The following CNDP2 variants were observed in gnomAD, a reference collection of about 807,000 sequenced individuals.
CNDP2 encodes the protein carnosine dipeptidase 2.
CNDP2 carries 38 observed loss-of-function variants against 55.0 expected under a neutral mutation model. The ratio of observed to expected loss-of-function variants is 0.69; its 90% CI spans 0.53 to 0.90. CNDP2 has a LOEUF of 0.90. CNDP2 is among the 40% of genes least tolerant of loss of function. The probability of loss-of-function intolerance (pLI) is 0.00; values close to 1 mark genes in which losing one functional copy is unlikely to be tolerated. For synonymous variants in CNDP2, 241 were observed against 260.2 expected (o/e 0.93, Z 0.71); for missense variants, 607 against 621.7 (o/e 0.98, Z 0.25).
At chr18:74,515,991 G>A (rs1018943811) in intron 8 of CNDP2, among the ~76,000 whole-genome samples, 5 of 152,334 alleles carry the variant, frequency 3.3e-5, no homozygotes, top group South Asian at 2.1e-4. Context: ...ACGCTGCAGC[G>A]ACGGGCAGTG....
chr18:74,522,591 G>A lies in CNDP2; in HGVS notation c.*2523G>A, dbSNP rs1980115291. ...GACTGAGTGAATGCTGTTATTGTAGGAGTGGGCTTGTTTGGCCTCCTCTTG... is the reference window on the plus strand; with the variant it reads ...GACTGAGTGAATGCTGTTATTGTAGAAGTGGGCTTGTTTGGCCTCCTCTTG... On this transcript the variant is annotated 3_prime_UTR_variant, in exon 12 of 12. Coordinates refer to ENST00000324262, the MANE Select transcript of CNDP2 (RefSeq NM_018235.3). 6.6e-6 allele frequency: 1 copy of A among 152,322 alleles called. No homozygotes were observed. Among genetic ancestry groups the A allele is most frequent in the Non-Finnish European group, 1.5e-5 (1 of 68,106 alleles). The allele number at this position is 152,322 out of a possible 1,614,324, so 9.4% of individuals were successfully genotyped here. A position where few individuals can be genotyped will look rare whatever the true frequency, so the allele number is the denominator to read the frequency against.
chr18:74,503,004 C>T (rs372015396), intron 3 of CNDP2, among the ~76,000 whole-genome samples: 4 of 150,934 alleles, frequency 2.7e-5, no homozygotes, highest in East Asian at 3.9e-4. Context: ...TTCCCCCCAT[C>T]TTTGGGAGAC....
chr18:74,512,487 G>C lies in CNDP2; in HGVS notation c.697G>C (p.Gly233Arg). The C allele has an allele frequency of 1.2e-6, 2 of 1,613,910 alleles. No homozygotes were observed. Among genetic ancestry groups the C allele is most frequent in the Non-Finnish European group, 1.7e-6 (2 of 1,179,910 alleles). Residue 233 changes from glycine to arginine, a missense_variant, in exon 7 of 12, where the codon GGG becomes CGG. Physicochemically the swap from Gly to Arg is moderately radical, Grantham distance 125 (BLOSUM62 -2). Coordinates refer to ENST00000324262, the MANE Select transcript of CNDP2 (RefSeq NM_018235.3). The stretch of plus-strand genomic sequence containing the variant: ...CAAAGACCTCCATTCTGGGGTGTAC[G>C]GGGGCTCGGTGCATGAGGCCATGAC... ...SNKDLHSGVY[G>R]GSVHEAMTDL...
rs181119931 is a variant in CNDP2, at chr18:74,498,515, G to T, written c.-92-1367G>T. Among the ~76,000 whole-genome samples the T allele has an allele frequency of 2.0e-5, 3 of 152,296 alleles. No individual in the cohort carries two copies. In the East Asian group the frequency reaches 5.8e-4, roughly 29 times the overall value. On this transcript the variant is annotated intron_variant, in intron 1 of 11. Coordinates refer to ENST00000324262, the MANE Select transcript of CNDP2 (RefSeq NM_018235.3). ...GCCACTGGTTAATTTGACTACAAGA[G>T]AATAATATTAATGAGAATGTACCAC...
rs1980156769 is a variant in CNDP2, at chr18:74,523,304, A to G, written c.*3236A>G. On this transcript the variant is annotated 3_prime_UTR_variant, in exon 12 of 12. Transcript: ENST00000324262. ...CAGCGTCCTGTGTCAGAAGAGCACA[A>G]ACCACTTTCCCAGAGAGGTTATGAA... 6.6e-6 allele frequency: 1 copy of G among 152,194 alleles called. No homozygotes were observed. The highest frequency in any genetic ancestry group is 1.9e-4 in the East Asian group (1 of 5,192). 9.4% of individuals were successfully genotyped at this position (152,194 alleles called of 1,614,324 possible).
At chr18:74,511,206 C>G (rs1469378266) in intron 6 of CNDP2, 193 bp downstream of exon 6, 2 of 594,526 alleles carry the variant, frequency 3.4e-6, no homozygotes, top group Non-Finnish European at 6.0e-6. Context: ...TTCCAGTGAT[C>G]AGAAGTTAAT....
chr18:74,519,154 C>T, intron 11 of CNDP2, 58 bp downstream of exon 11: 9 of 1,526,282 alleles, frequency 5.9e-6, no homozygotes, highest in South Asian at 1.3e-5. Context: ...CCTCTCGCCC[C>T]TTCCCCTTCC....
Position 74,521,223 on chromosome 18 carries a change from A to ACC in CNDP2, c.*1157_*1158dup, listed in dbSNP as rs1980028345. On this transcript the variant is annotated 3_prime_UTR_variant, in exon 12 of 12. Transcript: ENST00000324262. The stretch of plus-strand genomic sequence containing the variant: ...CTCAGGGCAGGGGACAGCAGGCAGG[A>ACC]CCCGGAAAACAGAACCCAGGTCTTC... The ACC allele has an allele frequency of 6.6e-6, 1 of 152,292 alleles. No individual in the cohort carries two copies. The highest frequency in any genetic ancestry group is 2.4e-5 in the African/African-American group (1 of 41,420). 9.4% of individuals were successfully genotyped at this position (152,292 alleles called of 1,614,324 possible). A position where few individuals can be genotyped will look rare whatever the true frequency, so the allele number is the denominator to read the frequency against.
chr18:74,519,506 A>T (rs935096827), intron 11 of CNDP2, among the ~76,000 whole-genome samples: 2 of 152,218 alleles, frequency 1.3e-5, no homozygotes, highest in African/African-American at 2.4e-5. Flanking sequence ...CCTTGGGAGC[A>T]GGAGGGGCCC....
Position 74,501,476 on chromosome 18 carries a change from G to A in CNDP2, c.204+4G>A, listed in dbSNP as rs1277392222. 1 of 1,612,674 alleles carries A rather than the reference G, an allele frequency of 6.2e-7. No homozygotes were observed. The highest frequency in any genetic ancestry group is 8.5e-7 in the Non-Finnish European group (1 of 1,179,232). On this transcript the variant is annotated splice_donor_region_variant and intron_variant, in intron 3 of 11. Transcript: ENST00000324262. Reference sequence around the variant, plus strand: ...GGTGGATATCGGAAAACAAAAGGTAGGAGGCAACATTCTTTGCATTGCAGG... The same window carrying A: ...GGTGGATATCGGAAAACAAAAGGTAAGAGGCAACATTCTTTGCATTGCAGG...
At chr18:74,516,747 C>T (rs1979694038) in intron 9 of CNDP2, 1 of 193,746 alleles carries the variant, frequency 5.2e-6, no homozygotes, top group East Asian at 1.3e-4. Flanking sequence ...GGAGGTCAGC[C>T]CAGCTTCTGA....
chr18:74,520,341 A>C lies in CNDP2; in HGVS notation c.*273A>C. 2 of 423,350 alleles carry C rather than the reference A, an allele frequency of 4.7e-6. No homozygotes were observed. The highest frequency in any genetic ancestry group is 4.8e-5 in the East Asian group (1 of 20,648). The allele number at this position is 423,350 out of a possible 1,614,324, so 26.2% of individuals were successfully genotyped here. A position where few individuals can be genotyped will look rare whatever the true frequency, so the allele number is the denominator to read the frequency against. On this transcript the variant is annotated 3_prime_UTR_variant, in exon 12 of 12. Transcript: ENST00000324262. ...ACCTGCAGAAGATACCCAAGGTCCA[A>C]AAGCACAAGGTCTGCGGAAAGTTCT...
At chr18:74,502,860 C>T (rs898022389) in intron 3 of CNDP2, among the ~76,000 whole-genome samples, 1 of 152,094 alleles carries the variant, frequency 6.6e-6, no homozygotes, top group African/African-American at 2.4e-5. Flanking sequence ...CCACTGGGAG[C>T]CCACAGGAGG....
chr18:74,516,573 A>G (rs1325514699), intron 9 of CNDP2, 181 bp downstream of exon 9: 18 of 661,690 alleles, frequency 2.7e-5, no homozygotes, highest in Admixed American at 1.9e-4. Flanking sequence ...AATGCATCAC[A>G]TGTAAGTGAC....
rs748322327 is a variant in CNDP2, at chr18:74,510,881, G to A, written c.525G>A (p.Glu175=). The change falls in exon 6 of 12, where the codon GAG becomes GAA. Residue 175 remains glutamate (E), a synonymous_variant. Coordinates refer to ENST00000324262, the MANE Select transcript of CNDP2 (RefSeq NM_018235.3). Reference sequence around the variant, plus strand: ...AGTCAGGCTCTGAGGGCCTAGACGAGCTGATTTTTGCCCGGAAAGACACAT... The same window carrying A: ...AGTCAGGCTCTGAGGGCCTAGACGAACTGATTTTTGCCCGGAAAGACACAT... ...MEESGSEGLD[E]LIFARKDTFF... 6.2e-7 allele frequency: 1 copy of A among 1,614,116 alleles called. No individual in the cohort carries two copies. Among genetic ancestry groups the A allele is most frequent in the African/African-American group, 1.3e-5 (1 of 74,932 alleles).
rs1980041875 is a variant in CNDP2 at position 74,521,445 on chromosome 18, G to A, written c.*1377G>A. 6.6e-6 allele frequency: 1 copy of A among 152,310 alleles called. No homozygotes were observed. Among genetic ancestry groups the A allele is most frequent in the African/African-American group, 2.4e-5 (1 of 41,466 alleles). 9.4% of individuals were successfully genotyped at this position (152,310 alleles called of 1,614,324 possible). On this transcript the variant is annotated 3_prime_UTR_variant, in exon 12 of 12. Transcript: ENST00000324262. ...ACTCAATGAAAGGAAAAGGCTCCTT[G>A]AAGTGGTTGGTTCCAGGGCTGGGCA...
At chr18:74,516,963 A>G (rs1979706623) in intron 9 of CNDP2, 1 of 151,108 alleles carries the variant, frequency 6.6e-6, no homozygotes, top group Non-Finnish European at 1.5e-5. Context: ...GGCTGCCACA[A>G]TAAAGACCAC....
chr18:74,498,714 C>G (rs898888192), intron 1 of CNDP2, among the ~76,000 whole-genome samples: 1 of 152,228 alleles, frequency 6.6e-6, no homozygotes. Flanking sequence ...ATAAACGCCT[C>G]TCCAGCGTGC....
intron 6 of CNDP2, chr18:74,511,300 C>A: frequency 2.4e-6 from 1 of 411,358 alleles, no homozygotes; most frequent in Non-Finnish European, 4.3e-6. Context: ...TAGTTCATTT[C>A]AGAAGATGCA....
Sources: allele counts gnomAD v4.1 joint callset (sites outside exome capture counted in the v4.1 genomes callset), GRCh38; gene constraint gnomAD v4.1.1; transcripts MANE v1.5; gene names NCBI Gene and HGNC (gene_info 2026-07-23, HGNC 2026-07-21).